ARL3: variants seen among roughly 807,000 people sequenced by gnomAD.
ARL3 encodes ARF like GTPase 3, also known as ADP-ribosylation factor-like protein 3.
Under a neutral mutation model 26.0 loss-of-function variants are expected in ARL3, and 9 were observed. That is an observed-to-expected ratio of 0.35 (90% CI 0.21 to 0.60). The LOEUF is 0.60. Among genes scored for constraint, ARL3 ranks in the 20% least tolerant of loss-of-function variants. ARL3 has a pLI of 0.78. For missense variants in ARL3, 158 were observed against 215.7 expected, an observed-to-expected ratio of 0.73 and a Z score of 1.67; for synonymous variants, 71 against 78.4, an observed-to-expected ratio of 0.91 and a Z score of 0.50.
At chr10:102,694,967 C>T (rs1564731519) in intron 3 of ARL3, among the ~76,000 whole-genome samples, 1 of 152,228 alleles carries the variant, frequency 6.6e-6, no homozygotes, top group Non-Finnish European at 1.5e-5. Context: ...GATCTGCCTG[C>T]CTCAGCCTCC....
intron 3 of ARL3, among the ~76,000 whole-genome samples, chr10:102,695,197 A>G (rs1169531343): frequency 1.3e-5 from 2 of 152,224 alleles, no homozygotes; most frequent in South Asian, 4.1e-4. Context: ...TTGGGATTCT[A>G]TTAAATCTAT....
In ARL3 at chr10:102,689,788, A is replaced by G. The variant is rs2064206992; in HGVS notation, c.315+105T>C. 6.7e-6 allele frequency: 4 copies of G among 600,050 alleles called. No individual in the cohort carries two copies. The South Asian group carries it at 1.0e-4, about 15-fold the overall frequency. The allele number at this position is 600,050 out of a possible 1,614,324, so 37.2% of individuals were successfully genotyped here. A position where few individuals can be genotyped will look rare whatever the true frequency, so the allele number is the denominator to read the frequency against. The stretch of plus-strand genomic sequence containing the variant: ...GGTTGGGGTGAGCCGAGATCATGCC[A>G]TTGCACTCTAGCCTGGGCAACAAGA... On this transcript the variant is annotated intron_variant, in intron 4 of 5. Coordinates refer to ENST00000260746, the MANE Select transcript of ARL3 (RefSeq NM_004311.4).
chr10:102,700,040 C>T (rs2064270456), intron 2 of ARL3, among the ~76,000 whole-genome samples: 1 of 152,136 alleles, frequency 6.6e-6, no homozygotes, highest in Non-Finnish European at 1.5e-5. Flanking sequence ...GGGTTTGTAA[C>T]TCGAATATAT....
At chr10:102,690,769 G>A (rs1346989912) in intron 3 of ARL3, among the ~76,000 whole-genome samples, 1 of 151,928 alleles carries the variant, frequency 6.6e-6, no homozygotes. Flanking sequence ...CACACTTCAA[G>A]TTTTATTTCT....
Position 102,714,347 on chromosome 10 carries a change from G to A in ARL3, c.-72C>T, listed in dbSNP as rs185667404. 6.3e-5 allele frequency: 80 copies of A among 1,274,870 alleles called. No homozygotes were observed. In the African/African-American group the frequency reaches 8.0e-4, roughly 13 times the overall value. 79.0% of individuals were successfully genotyped at this position (1,274,870 alleles called of 1,614,324 possible). ...CGTTACCAGGGGCAACTGCTGCGGCGCCGCCCCCGACGTCCCTCGCACGCA... is the reference window on the plus strand; with the variant it reads ...CGTTACCAGGGGCAACTGCTGCGGCACCGCCCCCGACGTCCCTCGCACGCA... On this transcript the variant is annotated 5_prime_UTR_variant, in exon 1 of 6. Coordinates refer to ENST00000260746, the MANE Select transcript of ARL3 (RefSeq NM_004311.4).
chr10:102,697,418 C>T (rs1485448529), intron 3 of ARL3, among the ~76,000 whole-genome samples: 1 of 152,148 alleles, frequency 6.6e-6, no homozygotes, highest in East Asian at 1.9e-4. Context: ...ACCTCGTGAT[C>T]CACCTGCCTT....
chr10:102,700,068 G>A (rs1316146928), intron 2 of ARL3, among the ~76,000 whole-genome samples: 1 of 152,158 alleles, frequency 6.6e-6, no homozygotes. Flanking sequence ...GTAGGGAGGT[G>A]GAGCCCTCAG....
At chr10:102,698,842 A>T (rs12777341) in intron 3 of ARL3, among the ~76,000 whole-genome samples, 1 of 152,166 alleles carries the variant, frequency 6.6e-6, no homozygotes, top group Admixed American at 6.6e-5. Flanking sequence ...ACATTCTACC[A>T]CCTAACATTC....
rs2064117191 is a variant in ARL3 at position 102,673,902 on chromosome 10, G to A, written c.*2992C>T. ...ACTGAACCCTGAAACCACATGGAGT[G>A]CAGAGCTAAAAATAAAAGGAAGTAA... On this transcript the variant is annotated 3_prime_UTR_variant, in exon 6 of 6. Coordinates refer to ENST00000260746, the MANE Select transcript of ARL3 (RefSeq NM_004311.4). 6.6e-6 allele frequency: 1 copy of A among 152,518 alleles called. No individual in the cohort carries two copies. The highest frequency in any genetic ancestry group is 1.5e-5 in the Non-Finnish European group (1 of 68,038). The allele number at this position is 152,518 out of a possible 1,614,324, so 9.4% of individuals were successfully genotyped here.
chr10:102,690,413 A>G (rs1007599590), intron 3 of ARL3, among the ~76,000 whole-genome samples: 2 of 150,064 alleles, frequency 1.3e-5, no homozygotes, highest in Non-Finnish European at 3.0e-5. Context: ...CCTCCCCAGC[A>G]GCTGGGACTA....
intron 5 of ARL3, among the ~76,000 whole-genome samples, chr10:102,681,835 T>C (rs745692235): frequency 2.0e-5 from 3 of 152,228 alleles, no homozygotes; most frequent in Admixed American, 6.5e-5. Flanking sequence ...CACACACACA[T>C]GCACACTCAG....
chr10:102,713,470 C>A (rs2064359170), intron 1 of ARL3, among the ~76,000 whole-genome samples: 1 of 152,186 alleles, frequency 6.6e-6, no homozygotes, highest in South Asian at 2.1e-4. Flanking sequence ...GGATTAAGAT[C>A]TTTTGGTCCT....
intron 1 of ARL3, among the ~76,000 whole-genome samples, chr10:102,706,940 G>A (rs1052360967): frequency 6.6e-6 from 1 of 151,936 alleles, no homozygotes. Flanking sequence ...CCAAAGTGCT[G>A]GGATTACAGG....
intron 4 of ARL3, among the ~76,000 whole-genome samples, chr10:102,687,926 CGT>C (rs150375198): frequency 2.0e-5 from 3 of 151,226 alleles, no homozygotes; most frequent in South Asian, 2.1e-4. Flanking sequence ...ACTTTCAATG[CGT>C]GTGTGTGTGT....
At chr10:102,692,251 C>A (rs1284114003) in intron 3 of ARL3, among the ~76,000 whole-genome samples, 2 of 152,212 alleles carry the variant, frequency 1.3e-5, no homozygotes, top group African/African-American at 4.8e-5. Flanking sequence ...TGGAGACTTA[C>A]AATCATTAAT....
chr10:102,682,246 C>T lies in ARL3; in HGVS notation c.501+3570G>A, dbSNP rs561139178. Among the ~76,000 whole-genome samples, 34 of 152,260 alleles carry T rather than the reference C, an allele frequency of 2.2e-4. No homozygotes were observed. The South Asian group carries it at 6.2e-3, about 28-fold the overall frequency. On this transcript the variant is annotated intron_variant, in intron 5 of 5. Coordinates refer to ENST00000260746, the MANE Select transcript of ARL3 (RefSeq NM_004311.4). ...CCCCTGGACAGTGGGCCTCTTGGCA[C>T]AACAGAGTTTCTGAGATTGATGATC...
intron 4 of ARL3, among the ~76,000 whole-genome samples, chr10:102,686,811 G>A (rs898887332): frequency 6.7e-6 from 1 of 149,658 alleles, no homozygotes; most frequent in Admixed American, 6.7e-5. Flanking sequence ...CAGATTCCTG[G>A]GCCCAACCCA....
chr10:102,712,935 T>C (rs1037260217), intron 1 of ARL3, among the ~76,000 whole-genome samples: 1 of 152,172 alleles, frequency 6.6e-6, no homozygotes, highest in Non-Finnish European at 1.5e-5. Flanking sequence ...TGAAATGTGA[T>C]TGGCAACTTC....
At chr10:102,693,046 A>G (rs12255007) in intron 3 of ARL3, among the ~76,000 whole-genome samples, 2,283 of 152,310 alleles carry the variant, frequency 0.015, 47 homozygotes, top group African/African-American at 0.045. Flanking sequence ...ATCATTGAAC[A>G]ATATTCTACT....
Sources: allele counts gnomAD v4.1 joint callset (sites outside exome capture counted in the v4.1 genomes callset), GRCh38; gene constraint gnomAD v4.1.1; transcripts MANE v1.5; gene names NCBI Gene and HGNC (gene_info 2026-07-23, HGNC 2026-07-21).